Variants in USP48 observed in about 807,000 individuals in gnomAD.
USP48 encodes ubiquitin specific peptidase 48, also known as ubiquitin carboxyl-terminal hydrolase 48.
In USP48, 43 loss-of-function variants were observed where a neutral mutation model predicts 150.7. That is an observed-to-expected ratio of 0.29 (90% CI 0.22 to 0.37). The LOEUF (loss-of-function observed/expected upper bound fraction) is 0.37. Ranked by LOEUF, USP48 falls within the 10% of genes least tolerant of loss-of-function variation. The pLI is 1.00. For missense variants in USP48, 813 were observed against 1,249.6 expected, an observed-to-expected ratio of 0.65 and a Z score of 5.27; for synonymous variants, 396 against 425.9, an observed-to-expected ratio of 0.93 and a Z score of 0.86.
intron 8 of USP48, among the ~76,000 whole-genome samples, chr1:21,741,360 A>G (rs1310788246): frequency 6.6e-6 from 1 of 152,222 alleles, no homozygotes; most frequent in African/African-American, 2.4e-5. Flanking sequence ...CAACAGCAAC[A>G]ACGGATGCCC....
chr1:21,767,310 G>A (rs914313553), intron 1 of USP48, among the ~76,000 whole-genome samples: 10 of 151,880 alleles, frequency 6.6e-5, no homozygotes, highest in African/African-American at 2.2e-4. Context: ...CACTGTGCCT[G>A]GGACCTTTTT....
chr1:21,710,136 A>G (rs1413684884), intron 15 of USP48, among the ~76,000 whole-genome samples: 1 of 152,194 alleles, frequency 6.6e-6, no homozygotes. Flanking sequence ...CCTGCAATGA[A>G]ACATGTTATT....
In USP48 at chr1:21,708,985, C is replaced by T. The variant is rs567113629; in HGVS notation, c.1964-2117G>A. Reference sequence around the variant, plus strand: ...AGTACAGTGGCACGATCATAGCTCACTGCAGCCTCGACCTCCTGGGCTCAA... The same window carrying T: ...AGTACAGTGGCACGATCATAGCTCATTGCAGCCTCGACCTCCTGGGCTCAA... On this transcript the variant is annotated intron_variant, in intron 15 of 26. Coordinates refer to ENST00000308271, the MANE Select transcript of USP48 (RefSeq NM_032236.8). Among the ~76,000 whole-genome samples the T allele has an allele frequency of 3.3e-5, 5 of 151,798 alleles. No homozygotes were observed. In the East Asian group the frequency reaches 7.8e-4, roughly 24 times the overall value.
At chr1:21,717,405 A>AAAAAC (rs1291260014) in intron 14 of USP48, among the ~76,000 whole-genome samples, 1 of 151,012 alleles carries the variant, frequency 6.6e-6, no homozygotes, top group Non-Finnish European at 1.5e-5. Flanking sequence ...TCCTGTCTAA[A>AAAAAC]AAAACAAAAC....
At chr1:21,743,736 T>C (rs1479921720) in intron 8 of USP48, among the ~76,000 whole-genome samples, 1 of 152,156 alleles carries the variant, frequency 6.6e-6, no homozygotes, top group East Asian at 1.9e-4. Flanking sequence ...CAGAAATATT[T>C]TTCTTTCTTG....
intron 23 of USP48, among the ~76,000 whole-genome samples, chr1:21,691,344 T>C (rs970726052): frequency 7.1e-6 from 1 of 140,392 alleles, no homozygotes; most frequent in Non-Finnish European, 1.5e-5. Context: ...AAAAATTAAA[T>C]ACTTTCCAGA....
In USP48 at chr1:21,769,090, T is replaced by G. The variant is rs538210148; in HGVS notation, c.135-11307A>C. Among the ~76,000 whole-genome samples the G allele has an allele frequency of 6.6e-5, 10 of 152,324 alleles. No homozygotes were observed. In the South Asian group the frequency reaches 2.1e-3, roughly 32 times the overall value. Reference sequence around the variant, plus strand: ...GTTGCTTTTGCTAACATCAGACATGTTCATGATTAGCAGTCATTCAATCCT... The same window carrying G: ...GTTGCTTTTGCTAACATCAGACATGGTCATGATTAGCAGTCATTCAATCCT... On this transcript the variant is annotated intron_variant, in intron 1 of 26. Transcript: ENST00000308271.
intron 14 of USP48, among the ~76,000 whole-genome samples, chr1:21,716,754 C>T (rs931636170): frequency 7.9e-5 from 12 of 152,274 alleles, no homozygotes; most frequent in Non-Finnish European, 1.5e-4. Context: ...GGGGGCCAGG[C>T]GTGGTGGCTC....
At chr1:21,751,991 T>A (rs964404917) in intron 5 of USP48, among the ~76,000 whole-genome samples, 4 of 141,890 alleles carry the variant, frequency 2.8e-5, no homozygotes, top group Admixed American at 7.5e-5. Flanking sequence ...GCACTCATCC[T>A]GGGCAACAGA....
Position 21,758,004 on chromosome 1 carries a change from T to C in USP48, c.135-221A>G, listed in dbSNP as rs145663219. ...CTACATAGACAACTACCTTTAGACC[T>C]AGCAATCTCATTTCTGAGGATTTAC... On this transcript the variant is annotated intron_variant, in intron 1 of 26. Transcript: ENST00000308271. Among the ~76,000 whole-genome samples the C allele has an allele frequency of 4.6e-5, 7 of 152,264 alleles. No individual in the cohort carries two copies. The East Asian group carries it at 1.2e-3, about 25-fold the overall frequency.
At chr1:21,728,853 A>T in intron 10 of USP48, 134 bp from the exon 11 acceptor site, 1 of 1,093,742 alleles carries the variant, frequency 9.1e-7, no homozygotes. Context: ...CCTGTCTGCT[A>T]GAAACCTCCA....
chr1:21,753,710 C>A (rs2097823341), intron 3 of USP48, among the ~76,000 whole-genome samples: 1 of 150,724 alleles, frequency 6.6e-6, no homozygotes, highest in Non-Finnish European at 1.5e-5. Flanking sequence ...ACCTGTAATC[C>A]CTGCTACTTG....
At chr1:21,679,755 G>A (rs889824432) in intron 26 of USP48, among the ~76,000 whole-genome samples, 5 of 152,188 alleles carry the variant, frequency 3.3e-5, no homozygotes, top group Admixed American at 3.3e-4. Flanking sequence ...GAGTGCAGTG[G>A]TGCAATCCTG....
At position 21,679,168 on chromosome 1, in the gene USP48, G is replaced by GCC; in HGVS notation, c.*247_*248dup. On this transcript the variant is annotated 3_prime_UTR_variant, in exon 27 of 27. Coordinates refer to ENST00000308271, the MANE Select transcript of USP48 (RefSeq NM_032236.8). ...TACTAAACTTGTTCCGTCTTTACTT[G>GCC]CCCCCTCCCACCCACCACCCCCCTT... The GCC allele has an allele frequency of 1.9e-6, 1 of 531,244 alleles. No individual in the cohort carries two copies. Among genetic ancestry groups the GCC allele is most frequent in the Non-Finnish European group, 3.4e-6 (1 of 297,374 alleles). The allele number at this position is 531,244 out of a possible 1,614,324, so 32.9% of individuals were successfully genotyped here.
intron 23 of USP48, 98 bp downstream of exon 23, chr1:21,694,968 A>C: frequency 8.0e-7 from 1 of 1,254,350 alleles, no homozygotes; most frequent in Non-Finnish European, 1.1e-6. Flanking sequence ...TCTGGAAAAA[A>C]ACACAGATAC....
At chr1:21,695,308 T>A in intron 22 of USP48, 87 bp from the exon 23 acceptor site, 6 of 1,397,610 alleles carry the variant, frequency 4.3e-6, no homozygotes, top group Non-Finnish European at 5.7e-6. Flanking sequence ...AAACAAAAGC[T>A]GTTTCCTTAT....
At chr1:21,752,506 A>C (rs574767683) in intron 5 of USP48, 21 bp downstream of exon 5, 1 of 1,603,042 alleles carries the variant, frequency 6.2e-7, no homozygotes, top group African/African-American at 1.3e-5. Flanking sequence ...ATGTACCATG[A>C]AAAAGTTGAA....
chr1:21,748,905 G>A (rs1412627583), intron 6 of USP48, among the ~76,000 whole-genome samples: 1 of 152,028 alleles, frequency 6.6e-6, no homozygotes, highest in Non-Finnish European at 1.5e-5. Flanking sequence ...GCGAGACTCT[G>A]TCTCAAAAAA....
In USP48 at chr1:21,757,802, CCTT is replaced by C. The variant is rs1557584824; in HGVS notation, c.135-22_135-20del. ...GTTTCGTCTAAGGGGAAAAAAAAAA[CCTT>C]TAATTTTTAAAAGACCATAGTTTCA... On this transcript the variant is annotated intron_variant, in intron 1 of 26. Coordinates refer to ENST00000308271, the MANE Select transcript of USP48 (RefSeq NM_032236.8). 1 of 1,565,772 alleles carries C rather than the reference CCTT, an allele frequency of 6.4e-7. No individual in the cohort carries two copies. The highest frequency in any genetic ancestry group is 2.1e-5 in the Admixed American group (1 of 47,858).
Sources: allele counts gnomAD v4.1 joint callset (sites outside exome capture counted in the v4.1 genomes callset), GRCh38; gene constraint gnomAD v4.1.1; transcripts MANE v1.5; gene names NCBI Gene and HGNC (gene_info 2026-07-23, HGNC 2026-07-21).